The following PPP2R1B variants were observed in gnomAD, a reference collection of about 807,000 sequenced individuals.
PPP2R1B encodes the protein serine/threonine-protein phosphatase 2A 65 kDa regulatory subunit A beta isoform.
Under a neutral mutation model 72.7 loss-of-function variants are expected in PPP2R1B, and 58 were observed. The ratio of observed to expected loss-of-function variants is 0.80; its 90% confidence interval spans 0.65 to 0.99. The LOEUF is 0.99. Among genes scored for constraint, PPP2R1B ranks in the 50% least tolerant of loss-of-function variants. PPP2R1B has a pLI of 0.00. For missense variants in PPP2R1B, 695 were observed against 733.6 expected (o/e 0.95, Z 0.61); for synonymous variants, 256 against 264.6 (o/e 0.97, Z 0.32).
chr11:111,706,460 T>C, the PPP2R1B span, among the ~76,000 whole-genome samples: 1 of 152,190 alleles, frequency 6.6e-6, no homozygotes, highest in Admixed American at 6.5e-5. Context: ...TTGACTTTCC[T>C]GTCTACTTCT....
chr11:111,749,687 T>C lies in PPP2R1B; in HGVS notation c.1339-1673A>G, dbSNP rs1944831891. Reference sequence around the variant, plus strand: ...AGAATTTTATAAAATGACTATCTGATATAAAAATATTTAGATATGAAGAGA... The same window carrying C: ...AGAATTTTATAAAATGACTATCTGACATAAAAATATTTAGATATGAAGAGA... On this transcript the variant is annotated intron_variant, in intron 10 of 14. Coordinates refer to ENST00000527614, the MANE Select transcript of PPP2R1B (RefSeq NM_002716.5). Among the ~76,000 whole-genome samples the C allele has an allele frequency of 2.6e-5, 4 of 152,204 alleles. No individual in the cohort carries two copies. The South Asian group carries it at 8.3e-4, about 31-fold the overall frequency.
the PPP2R1B span, among the ~76,000 whole-genome samples, chr11:111,703,624 A>T: frequency 1.3e-5 from 2 of 152,264 alleles, no homozygotes; most frequent in Admixed American, 6.5e-5. Context: ...CCCATCTGCC[A>T]AAACATTCAA....
the PPP2R1B span, among the ~76,000 whole-genome samples, chr11:111,688,729 C>T: frequency 1.3e-5 from 2 of 152,058 alleles, no homozygotes; most frequent in African/African-American, 4.8e-5. This position sits in a 1 kb window ranked among gnomAD's most constrained non-coding sequence, Gnocchi z 4.2. Context: ...ATTTTATATT[C>T]TCAGTCTCTT....
At chr11:111,736,281 A>ATGT (rs1254423984), downstream of PPP2R1B, among the ~76,000 whole-genome samples, 23 of 152,166 alleles carry the variant, frequency 1.5e-4, no homozygotes, top group Non-Finnish European at 3.1e-4. Flanking sequence ...AGAGCTGAGC[A>ATGT]GGTCAGCCAT....
At chr11:111,723,694 C>T (rs1454182695), downstream of PPP2R1B, 22 of 1,613,968 alleles carry the variant, frequency 1.4e-5, no homozygotes, top group Middle Eastern at 1.6e-4. Context: ...AGCCTTCCTC[C>T]GAGCAGATGC....
Position 111,738,735 on chromosome 11 carries a change from G to A in PPP2R1B, c.*2861C>T. On this transcript the variant is annotated 3_prime_UTR_variant, in exon 15 of 15. Transcript: ENST00000527614. The stretch of plus-strand genomic sequence containing the variant: ...TCTTATGAAACAAGATGCATCCTCA[G>A]GTTCACATCTTCTTGGTAGCACAGA... The A allele has an allele frequency of 1.0e-6, 1 of 985,400 alleles. No homozygotes were observed. Among genetic ancestry groups the A allele is most frequent in the South Asian group, 4.7e-5 (1 of 21,280 alleles). The allele number at this position is 985,400 out of a possible 1,614,324, so 61.0% of individuals were successfully genotyped here. A position where few individuals can be genotyped will look rare whatever the true frequency, so the allele number is the denominator to read the frequency against.
At chr11:111,713,562 A>T in the PPP2R1B span, among the ~76,000 whole-genome samples, 22 of 152,334 alleles carry the variant, frequency 1.4e-4, no homozygotes, top group South Asian at 3.3e-3. Context: ...CTCTTTAGAT[A>T]ATAAAAAGAT....
At chr11:111,715,888 G>GC in the PPP2R1B span, among the ~76,000 whole-genome samples, 4 of 122,394 alleles carry the variant, frequency 3.3e-5, no homozygotes, top group Non-Finnish European at 6.4e-5. Flanking sequence ...TGCAACCTCC[G>GC]CCCCCCGGGT....
At chr11:111,715,542 C>T in the PPP2R1B span, among the ~76,000 whole-genome samples, 1 of 152,114 alleles carries the variant, frequency 6.6e-6, no homozygotes, top group Admixed American at 6.6e-5. Context: ...AGTAAAATCC[C>T]TTGGGGAGTC....
intron 5 of PPP2R1B, 117 bp from the exon 6 acceptor site, chr11:111,755,567 G>T: frequency 3.9e-5 from 30 of 768,046 alleles, no homozygotes; most frequent in South Asian, 1.2e-4. Context: ...ACCTTATATA[G>T]TTTCACGTCT....
intron 14 of PPP2R1B, 91 bp from the exon 15 acceptor site, chr11:111,741,703 G>C (rs545729909): frequency 1.5e-5 from 20 of 1,378,622 alleles, no homozygotes; most frequent in Middle Eastern, 1.8e-4. Context: ...TGATCCAAAC[G>C]TATCAAACTA....
At chr11:111,737,855 A>G (rs1944384391), downstream of PPP2R1B, 2 of 1,235,402 alleles carry the variant, frequency 1.6e-6, no homozygotes, top group Middle Eastern at 3.3e-4. Flanking sequence ...CAGAGCCCCA[A>G]CCACAGGAAA....
downstream of PPP2R1B, chr11:111,737,556 C>A (rs1404187391): frequency 6.2e-7 from 1 of 1,614,236 alleles, no homozygotes; most frequent in Non-Finnish European, 8.5e-7. Flanking sequence ...GCTTCCTCAG[C>A]CTTTGTGCCA....
At chr11:111,743,998 C>A (rs1342508323) in intron 11 of PPP2R1B, among the ~76,000 whole-genome samples, 5 of 152,126 alleles carry the variant, frequency 3.3e-5, no homozygotes, top group Non-Finnish European at 7.3e-5. Flanking sequence ...GAAGCCTTGA[C>A]TGGGCAGTGA....
the PPP2R1B span, chr11:111,718,995 TGCGGG>T: frequency 6.6e-6 from 1 of 152,292 alleles, no homozygotes; most frequent in Non-Finnish European, 1.5e-5. Flanking sequence ...GGCCAATGCT[TGCGGG>T]GAGCTGTGCT....
chr11:111,760,715 G>T, intron 4 of PPP2R1B, 104 bp downstream of exon 4: 2 of 967,668 alleles, frequency 2.1e-6, no homozygotes, highest in South Asian at 1.5e-5. Flanking sequence ...TTGGTAACAA[G>T]GTACTATGTA....
chr11:111,720,999 G>A, the PPP2R1B span: 2 of 1,614,080 alleles, frequency 1.2e-6, no homozygotes, highest in Non-Finnish European at 1.7e-6. Flanking sequence ...TAGGACCGGA[G>A]GCAGACCCTA....
chr11:111,750,647 AAACTTAG>A (rs1400396884), intron 10 of PPP2R1B, among the ~76,000 whole-genome samples: 65 of 151,772 alleles, frequency 4.3e-4, no homozygotes, highest in African/African-American at 1.5e-3. Context: ...AAGGTACATC[AAACTTAG>A]AACTGTCTAG....
chr11:111,706,564 A>C, the PPP2R1B span, among the ~76,000 whole-genome samples: 1 of 152,208 alleles, frequency 6.6e-6, no homozygotes, highest in Non-Finnish European at 1.5e-5. Context: ...ATTATAATAA[A>C]ATTTTGCATT....
Sources: allele counts gnomAD v4.1 joint callset (sites outside exome capture counted in the v4.1 genomes callset), GRCh38; gene constraint gnomAD v4.1.1; non-coding constraint Gnocchi (gnomAD v3.1); transcripts MANE v1.5; gene names NCBI Gene and HGNC (gene_info 2026-07-23, HGNC 2026-07-21).